Variants in ASXL1 observed in about 807,000 individuals in gnomAD.
ASXL1 encodes the protein polycomb group protein ASXL1.
Under a neutral mutation model 89.1 loss-of-function variants are expected in ASXL1, and 65 were observed. The observed-to-expected ratio is 0.73, with a 90% CI of 0.60 to 0.90. ASXL1 has a LOEUF of 0.90. ASXL1 is among the 40% of genes least tolerant of loss of function. The pLI is 0.00. For missense variants in ASXL1, 1,786 were observed against 1,942.9 expected, an observed-to-expected ratio of 0.92 and a Z score of 1.52; for synonymous variants, 739 against 746.9, an observed-to-expected ratio of 0.99 and a Z score of 0.17.
intron 1 of ASXL1, chr20:32,360,032 T>C: frequency 1.8e-6 from 1 of 550,886 alleles, no homozygotes; most frequent in Non-Finnish European, 3.2e-6. Context: ...TCTCTCTTAT[T>C]TTGAAGTGAG....
rs1555902334 is a variant in ASXL1 at position 32,377,972 on chromosome 20, C to CTGTGTGAGTGTGTGTGTGTGTGTG, written c.252+8855_252+8856insAGTGTGTGTGTGTGTGTGTGTGTG. 3.5e-5 allele frequency among the ~76,000 whole-genome samples: 4 copies of CTGTGTGAGTGTGTGTGTGTGTGTG among 115,340 alleles called. No homozygotes were observed. The East Asian group carries it at 1.2e-3, about 36-fold the overall frequency. The allele number at this position is 115,340 out of a possible 152,430, so 75.7% of individuals were successfully genotyped here. A position where few individuals can be genotyped will look rare whatever the true frequency, so the allele number is the denominator to read the frequency against. On this transcript the variant is annotated intron_variant, in intron 4 of 12. Transcript: ENST00000375687. Reference sequence around the variant, plus strand: ...CTGGCCCCAAAATAAAGTTTTGACTCTGTGTGTGTGTGTGTGTGTGTGTGT... The same window carrying CTGTGTGAGTGTGTGTGTGTGTGTG: ...CTGGCCCCAAAATAAAGTTTTGACTCTGTGTGAGTGTGTGTGTGTGTGTGTGTGTGTGTGTGTGTGTGTGTGTGT...
At chr20:32,393,404 C>T (rs553289380) in intron 4 of ASXL1, among the ~76,000 whole-genome samples, 136 of 152,076 alleles carry the variant, frequency 8.9e-4, no homozygotes, top group Non-Finnish European at 1.5e-3. Flanking sequence ...TGTTTGGGAT[C>T]TTGCTTTTAT....
intron 8 of ASXL1, chr20:32,430,864 A>C (rs1056669040): frequency 2.8e-5 from 11 of 393,566 alleles, no homozygotes; most frequent in Non-Finnish European, 5.3e-5. Flanking sequence ...GGCTTTGAAC[A>C]GTCCTTAGTA....
intron 4 of ASXL1, among the ~76,000 whole-genome samples, chr20:32,411,215 C>CTTT (rs71187118): frequency 0.21 from 11,037 of 53,548 alleles, 3,770 homozygotes; most frequent in Non-Finnish European, 0.28. Context: ...TTTATGGATT[C>CTTT]TTTTTTTTTT....
In ASXL1 at chr20:32,366,620, C is replaced by T. The variant is rs1040647683; in HGVS notation, c.140+154C>T. The stretch of plus-strand genomic sequence containing the variant: ...ATCCATTTCCCAAATTGTGTGTCGT[C>T]TCAGTGGAGGGTGGCAGTGGGTGAA... On this transcript the variant is annotated intron_variant, in intron 2 of 12. Transcript: ENST00000375687. The T allele has an allele frequency of 3.1e-5, 29 of 943,392 alleles. 1 individual carries two copies. Among genetic ancestry groups the T allele is most frequent in the African/African-American group, 3.6e-5 (2 of 56,252 alleles). 58.4% of individuals were successfully genotyped at this position (943,392 alleles called of 1,614,324 possible).
chr20:32,419,553 AATG>A (rs1299031752), intron 4 of ASXL1, among the ~76,000 whole-genome samples: 3 of 152,140 alleles, frequency 2.0e-5, no homozygotes, highest in East Asian at 1.9e-4. Flanking sequence ...TTCTTCATAA[AATG>A]ATGATATTTC....
intron 2 of ASXL1, 80 bp downstream of exon 2, chr20:32,366,546 A>T: frequency 6.2e-7 from 1 of 1,608,010 alleles, no homozygotes; most frequent in Non-Finnish European, 8.5e-7. Context: ...ATGAGTAAGT[A>T]CACCTGTGTA....
At position 32,428,055 on chromosome 20, in the gene ASXL1, C is replaced by T. The variant is rs1250446241; in HGVS notation, c.253-73C>T. The T allele has an allele frequency of 6.3e-6, 10 of 1,598,130 alleles. No homozygotes were observed. In the Admixed American group the frequency reaches 1.2e-4, roughly 19 times the overall value. ...AATCCCTCTTTTTCAAAAGCATACACATTTAGGAATGACTGCCTTGCTTTA... is the reference window on the plus strand; with the variant it reads ...AATCCCTCTTTTTCAAAAGCATACATATTTAGGAATGACTGCCTTGCTTTA... On this transcript the variant is annotated intron_variant, in intron 4 of 12. Transcript: ENST00000375687.
chr20:32,430,547 T>TCACCC (rs1228280644), intron 8 of ASXL1: 1 of 170,716 alleles, frequency 5.9e-6, no homozygotes, highest in African/African-American at 2.7e-5. Flanking sequence ...CTCCCACCCC[T>TCACCC]CACCCCACCC....
At chr20:32,384,090 G>T (rs1465325205) in intron 4 of ASXL1, among the ~76,000 whole-genome samples, 2 of 151,942 alleles carry the variant, frequency 1.3e-5, no homozygotes, top group Non-Finnish European at 2.9e-5. Flanking sequence ...ACTGGAGGCT[G>T]CCTGTTTTGT....
chr20:32,376,826 ATATT>A (rs2048387432), intron 4 of ASXL1, among the ~76,000 whole-genome samples: 3 of 138,286 alleles, frequency 2.2e-5, no homozygotes, highest in African/African-American at 8.0e-5. Context: ...TATATATTAT[ATATT>A]ATATAAATAT....
At position 32,439,134 on chromosome 20, in the gene ASXL1, G is replaced by C. The variant is rs973651081; in HGVS notation, c.*1796G>C. 4.3e-6 allele frequency: 1 copy of C among 233,556 alleles called. No homozygotes were observed. Among genetic ancestry groups the C allele is most frequent in the Admixed American group, 5.6e-5 (1 of 17,786 alleles). 14.5% of individuals were successfully genotyped at this position (233,556 alleles called of 1,614,324 possible). A position where few individuals can be genotyped will look rare whatever the true frequency, so the allele number is the denominator to read the frequency against. ...CCAAGTCCAAGTTGTCAACTTAAGCGTCTGTTTACCAAAGACCGGGAACAG... is the reference window on the plus strand; with the variant it reads ...CCAAGTCCAAGTTGTCAACTTAAGCCTCTGTTTACCAAAGACCGGGAACAG... On this transcript the variant is annotated 3_prime_UTR_variant, in exon 13 of 13. Transcript: ENST00000375687.
chr20:32,396,722 T>C (rs148318445), intron 4 of ASXL1, among the ~76,000 whole-genome samples: 168 of 152,088 alleles, frequency 1.1e-3, no homozygotes, highest in Admixed American at 2.4e-3. Context: ...CCTACAGCAG[T>C]AGGATTCACT....
At chr20:32,369,458 G>A (rs1023216616) in intron 4 of ASXL1, among the ~76,000 whole-genome samples, 4 of 151,778 alleles carry the variant, frequency 2.6e-5, no homozygotes, top group Admixed American at 6.6e-5. Flanking sequence ...CACCATGTTG[G>A]CCAGGCTGGT....
chr20:32,379,362 T>TATG (rs889176658), intron 4 of ASXL1, among the ~76,000 whole-genome samples: 2 of 141,794 alleles, frequency 1.4e-5, no homozygotes, highest in Admixed American at 7.2e-5. Flanking sequence ...TTTATTTATT[T>TATG]ATTATTATTA....
intron 1 of ASXL1, chr20:32,359,214 C>T (rs1042561121): frequency 4.3e-6 from 3 of 699,696 alleles, no homozygotes; most frequent in Non-Finnish European, 7.8e-6. Context: ...CGGGAAGGGT[C>T]GGAAGCTCCT....
intron 8 of ASXL1, chr20:32,431,003 CT>C: frequency 1.8e-6 from 1 of 548,116 alleles, no homozygotes; most frequent in South Asian, 1.7e-5. Flanking sequence ...TTTGTGGAGC[CT>C]GTTCTCCAGC....
At chr20:32,372,477 CAG>C in intron 4 of ASXL1, 1 of 944,828 alleles carries the variant, frequency 1.1e-6, no homozygotes, top group Non-Finnish European at 1.3e-6. Context: ...TCCTTGAGAG[CAG>C]AGTCTGTATT....
At position 32,435,325 on chromosome 20, in the gene ASXL1, A is replaced by T. The variant is rs750330626; in HGVS notation, c.2613A>T (p.Ser871=). 1 of 1,614,196 alleles carries T rather than the reference A, an allele frequency of 6.2e-7. No homozygotes were observed. Among genetic ancestry groups the T allele is most frequent in the Admixed American group, 1.7e-5 (1 of 60,028 alleles). The change falls in exon 13 of 13, where the codon TCA becomes TCT. Residue 871 remains serine (S), a synonymous_variant. Coordinates refer to ENST00000375687, the MANE Select transcript of ASXL1 (RefSeq NM_015338.6). ...AFDDELGLGG[S]CPPMRESDTR... ...ATGACGAATTAGGGCTTGGTGGCTC[A>T]TGCCCTCCTATGAGGGAAAGTGATA... is the stretch of plus-strand genomic sequence containing the variant.
Sources: gnomAD v4.1 joint callset for allele counts (sites outside exome capture counted in the v4.1 genomes callset) on GRCh38, gnomAD v4.1.1 for gene constraint, MANE v1.5 for transcripts, NCBI Gene and HGNC (gene_info 2026-07-23, HGNC 2026-07-21) for gene names.